The following PRKG1 variants were observed in gnomAD, a reference collection of about 807,000 sequenced individuals.
PRKG1 encodes the protein cGMP-dependent protein kinase 1.
Under a neutral mutation model 88.1 loss-of-function variants are expected in PRKG1, and 35 were observed. The ratio of observed to expected loss-of-function variants is 0.40; its 90% CI spans 0.30 to 0.53. PRKG1 has a LOEUF of 0.53. PRKG1 is among the 20% of genes least tolerant of loss of function. PRKG1 has a pLI of 0.59. For missense variants in PRKG1, 540 were observed against 839.8 expected (o/e 0.64, Z 4.41); for synonymous variants, 303 against 292.5 (o/e 1.04, Z -0.37).
intron 7 of PRKG1, among the ~76,000 whole-genome samples, chr10:52,101,376 T>C (rs1847290049): frequency 6.6e-6 from 1 of 152,126 alleles, no homozygotes; most frequent in East Asian, 1.9e-4. Flanking sequence ...TTGTGAGCCC[T>C]ATTTAGTCCA....
intron 9 of PRKG1, among the ~76,000 whole-genome samples, chr10:52,213,133 T>C (rs1438693035): frequency 6.6e-6 from 1 of 151,834 alleles, no homozygotes; most frequent in Non-Finnish European, 1.5e-5. Context: ...CACAAAGAAA[T>C]AGAAGTTTAG....
intron 2 of PRKG1, among the ~76,000 whole-genome samples, chr10:51,432,280 A>G (rs74132014): frequency 0.033 from 5,063 of 152,288 alleles, 99 homozygotes; most frequent in Non-Finnish European, 0.041. Flanking sequence ...TACATTATAC[A>G]TGCAATTCAT....
In PRKG1 at chr10:52,023,979, T is replaced by C. The variant is rs374178551; in HGVS notation, c.763-30505T>C. 1.9e-4 allele frequency among the ~76,000 whole-genome samples: 29 copies of C among 152,340 alleles called. No individual in the cohort carries two copies. The East Asian group carries it at 3.9e-3, about 20-fold the overall frequency. On this transcript the variant is annotated intron_variant, in intron 5 of 17. Coordinates refer to ENST00000373980, the MANE Select transcript of PRKG1 (RefSeq NM_006258.4). ...TGCTTTTGGTGGTTTAGTCATGAAG[T>C]CTTTGCCCATGCCTGTGTCCTGAAT...
At chr10:51,193,361 G>A (rs1173347216) in intron 2 of PRKG1, among the ~76,000 whole-genome samples, 1 of 151,836 alleles carries the variant, frequency 6.6e-6, no homozygotes, top group Non-Finnish European at 1.5e-5. Context: ...TCAAGAGTAG[G>A]GTCAGGGGAT....
chr10:51,986,599 T>C (rs941886888), intron 5 of PRKG1, among the ~76,000 whole-genome samples: 15 of 152,176 alleles, frequency 9.9e-5, no homozygotes, highest in African/African-American at 3.1e-4. Flanking sequence ...AAAAAGTCCA[T>C]AGTGGGCTGC....
chr10:52,199,385 A>G (rs954410962), intron 9 of PRKG1, among the ~76,000 whole-genome samples: 4 of 152,136 alleles, frequency 2.6e-5, no homozygotes, highest in Non-Finnish European at 4.4e-5. Context: ...TCACTCAAAG[A>G]TCATACTTGC....
At chr10:51,206,659 A>G (rs1440296249) in intron 2 of PRKG1, among the ~76,000 whole-genome samples, 1 of 152,196 alleles carries the variant, frequency 6.6e-6, no homozygotes, top group Non-Finnish European at 1.5e-5. Context: ...ATCTGTGCCC[A>G]CTTTTTCTTG....
intron 3 of PRKG1, among the ~76,000 whole-genome samples, chr10:51,600,322 A>T (rs1838565131): frequency 6.6e-6 from 1 of 152,162 alleles, no homozygotes; most frequent in Admixed American, 6.6e-5. Flanking sequence ...GGCCTTCTTC[A>T]TATCAAAGGT....
At chr10:51,700,580 C>G (rs1184651644) in intron 3 of PRKG1, among the ~76,000 whole-genome samples, 2 of 151,992 alleles carry the variant, frequency 1.3e-5, no homozygotes, top group Non-Finnish European at 2.9e-5. Flanking sequence ...GTGGTGTTTC[C>G]CCGCCTGCAA....
At chr10:51,608,936 G>T (rs1475846505) in intron 3 of PRKG1, among the ~76,000 whole-genome samples, 1 of 151,958 alleles carries the variant, frequency 6.6e-6, no homozygotes, top group African/African-American at 2.4e-5. Flanking sequence ...TATGGAATAA[G>T]GATATAAAAA....
chr10:51,058,694 G>A (rs1359561371), intron 1 of PRKG1, among the ~76,000 whole-genome samples: 1 of 152,096 alleles, frequency 6.6e-6, no homozygotes, highest in Non-Finnish European at 1.5e-5. Flanking sequence ...TACAATGAGT[G>A]CTTTCTCTTT....
intron 3 of PRKG1, among the ~76,000 whole-genome samples, chr10:51,693,950 T>C (rs1305103397): frequency 2.0e-5 from 3 of 152,258 alleles, no homozygotes; most frequent in Admixed American, 1.3e-4. Context: ...GCACATTATA[T>C]AGTATGCCAA....
intron 4 of PRKG1, among the ~76,000 whole-genome samples, chr10:51,812,390 G>A (rs1355783884): frequency 6.6e-6 from 1 of 152,186 alleles, no homozygotes. Flanking sequence ...TGAAACACTG[G>A]TTGTGCGATG....
At chr10:51,451,957 A>C (rs1446052872) in intron 2 of PRKG1, among the ~76,000 whole-genome samples, 2 of 151,966 alleles carry the variant, frequency 1.3e-5, no homozygotes, top group Admixed American at 1.3e-4. Flanking sequence ...TAATCTTTTC[A>C]TAAAAGATAT....
intron 7 of PRKG1, among the ~76,000 whole-genome samples, chr10:52,096,622 C>T (rs1484956789): frequency 6.6e-6 from 1 of 152,174 alleles, no homozygotes; most frequent in Non-Finnish European, 1.5e-5. Flanking sequence ...CGTCATTGTT[C>T]CATCTCAAGA....
chr10:51,924,059 A>G lies in PRKG1; in HGVS notation c.762+16489A>G, dbSNP rs72801431. Among the ~76,000 whole-genome samples the G allele has an allele frequency of 4.3e-3, 654 of 152,088 alleles. 6 individuals carry two copies. The highest frequency in any genetic ancestry group is 5.1e-3 in the Non-Finnish European group (344 of 67,960). ...GCCCAGGCTGGTCTTGAACTCCTGG[A>G]TGTAAGCAATCTTCCTCAGCTTCCC... is the stretch of plus-strand genomic sequence containing the variant. On this transcript the variant is annotated intron_variant, in intron 5 of 17. Coordinates refer to ENST00000373980, the MANE Select transcript of PRKG1 (RefSeq NM_006258.4).
chr10:51,722,697 G>A (rs1842042565), intron 3 of PRKG1, among the ~76,000 whole-genome samples: 1 of 152,068 alleles, frequency 6.6e-6, no homozygotes, highest in Admixed American at 6.6e-5. Flanking sequence ...ACCATAGTTT[G>A]TTTTCATGGA....
At chr10:51,704,500 T>C (rs1841557154) in intron 3 of PRKG1, among the ~76,000 whole-genome samples, 1 of 152,186 alleles carries the variant, frequency 6.6e-6, no homozygotes, top group African/African-American at 2.4e-5. Context: ...AGGTCAGTGA[T>C]AGTTCTTCCA....
At chr10:51,327,260 C>T (rs369218230) in intron 2 of PRKG1, among the ~76,000 whole-genome samples, 10 of 151,586 alleles carry the variant, frequency 6.6e-5, no homozygotes, top group African/African-American at 1.5e-4. Context: ...ACTGAAAATA[C>T]GAAAAAGTTA....
Sources: allele counts gnomAD v4.1 joint callset (sites outside exome capture counted in the v4.1 genomes callset), GRCh38; gene constraint gnomAD v4.1.1; transcripts MANE v1.5; gene names NCBI Gene and HGNC (gene_info 2026-07-23, HGNC 2026-07-21).